The following SLC39A1 variants were observed in gnomAD, a reference collection of about 807,000 sequenced individuals.
The protein encoded by SLC39A1 is solute carrier family 39 member 1.
SLC39A1 carries 17 observed loss-of-function variants against 21.4 expected under a neutral mutation model. The ratio of observed to expected loss-of-function variants is 0.79; its 90% CI spans 0.54 to 1.19. The LOEUF (loss-of-function observed/expected upper bound fraction) is 1.19. Among genes scored for constraint, SLC39A1 ranks in the 50% most tolerant of loss-of-function variants. The probability of loss-of-function intolerance (pLI) is 0.00; values close to 1 mark genes in which losing one functional copy is unlikely to be tolerated. For synonymous variants in SLC39A1, 183 were observed against 185.9 expected (o/e 0.98, Z 0.13); for missense variants, 343 against 399.8 (o/e 0.86, Z 1.21).
chr1:153,967,234 C>A (rs150444860), upstream of SLC39A1, among the ~76,000 whole-genome samples: 283 of 152,384 alleles, frequency 1.9e-3, 2 homozygotes, highest in African/African-American at 6.4e-3. Context: ...TCCATTAACG[C>A]CACACTGCTC....
rs61755879 is a variant in SLC39A1 at position 153,960,311 on chromosome 1, G to C, written c.762C>G (p.Ile254Met). The C allele has an allele frequency of 1.2e-6, 2 of 1,614,042 alleles. No homozygotes were observed. The highest frequency in any genetic ancestry group is 2.2e-5 in the East Asian group (1 of 44,892). ...ILFSCMTPLG[I>M]GLGAALAESA... is the part of the protein sequence containing the mutation. ...ACTCTGCCAGAGCTGCACCCAGCCCGATGCCTAGAGGTGTCATGCATGAGA... is the reference window on the plus strand; with the variant it reads ...ACTCTGCCAGAGCTGCACCCAGCCCCATGCCTAGAGGTGTCATGCATGAGA... Residue 254 changes from isoleucine to methionine, a missense_variant, in exon 4 of 4, where the codon ATC becomes ATG. Physicochemically the swap from Ile to Met is conservative, Grantham distance 10. Coordinates refer to ENST00000356205, the MANE Select transcript of SLC39A1 (RefSeq NM_001271958.2).
At position 153,960,184 on chromosome 1, in the gene SLC39A1, C is replaced by A. The variant is rs1441045541; in HGVS notation, c.889G>T (p.Ala297Ser). ...TFLEILPQEL[A>S]SSEQRILKVI... ...TTGAGGATCCTTTGCTCAGAACTGG[C>A]CAGCTCCTGGGGCAGGATTTCCAGA... The change falls in exon 4 of 4, where the codon GCC becomes TCC. Residue 297 changes from alanine (A) to serine (S), a missense_variant. Ala to Ser is a moderately conservative substitution (Grantham distance 99). Transcript: ENST00000356205. 6 of 1,614,100 alleles carry A rather than the reference C, an allele frequency of 3.7e-6. No homozygotes were observed. Among genetic ancestry groups the A allele is most frequent in the Admixed American group, 1.7e-5 (1 of 60,008 alleles).
rs745441329 is a variant in SLC39A1 at position 153,960,213 on chromosome 1, G to A, written c.860C>T (p.Thr287Ile). Reference sequence around the variant, plus strand: ...CTCCTGGGGCAGGATTTCCAGAAAGGTGATATAGAGAAAGGTGCCAGCTGC... The same window carrying A: ...CTCCTGGGGCAGGATTTCCAGAAAGATGATATAGAGAAAGGTGCCAGCTGC... ...GMAAGTFLYI[T>I]FLEILPQELA... The change falls in exon 4 of 4, where the codon ACC (threonine) becomes ATC (isoleucine). Residue 287 changes from threonine to isoleucine, a missense_variant. By Grantham distance (89) the Thr-to-Ile change is moderately conservative. Transcript: ENST00000356205. 6.2e-7 allele frequency: 1 copy of A among 1,614,114 alleles called. No homozygotes were observed. Among genetic ancestry groups the A allele is most frequent in the Non-Finnish European group, 8.5e-7 (1 of 1,180,056 alleles).
At position 153,962,570 on chromosome 1, in the gene SLC39A1, A is replaced by G. The variant is rs369281695; in HGVS notation, c.146T>C (p.Ile49Thr). 21 of 1,613,562 alleles carry G rather than the reference A, an allele frequency of 1.3e-5. No individual in the cohort carries two copies. The highest frequency in any genetic ancestry group is 1.8e-5 in the Non-Finnish European group (21 of 1,179,972). Residue 49 changes from isoleucine (I) to threonine (T), a missense_variant, in exon 2 of 4, where the codon ATC (isoleucine) becomes ACC (threonine). Ile to Thr is a moderately conservative substitution (Grantham distance 89). Coordinates refer to ENST00000356205, the MANE Select transcript of SLC39A1 (RefSeq NM_001271958.2). ...AGCTCCTGGCCGGCGCAGCACACAGATGGGCACCAGGCTGCAGAGGAGGGT... is the reference window on the plus strand; with the variant it reads ...AGCTCCTGGCCGGCGCAGCACACAGGTGGGCACCAGGCTGCAGAGGAGGGT... ...VLTLLCSLVPICVLRRPGANH... is the reference protein window; with the variant it reads ...VLTLLCSLVPTCVLRRPGANH...
intron 3 of SLC39A1, 141 bp downstream of exon 3, chr1:153,962,079 A>C: frequency 7.9e-7 from 1 of 1,268,314 alleles, no homozygotes; most frequent in African/African-American, 1.5e-5. Context: ...ATGCCCCATA[A>C]CCAAAAATCA....
At chr1:153,967,138 G>C (rs759539660), upstream of SLC39A1, among the ~76,000 whole-genome samples, 6 of 152,350 alleles carry the variant, frequency 3.9e-5, no homozygotes, top group East Asian at 5.8e-4. Context: ...AACGCAAAAG[G>C]CTTTTTAACT....
upstream of SLC39A1, chr1:153,966,737 A>G (rs1017439101): frequency 6.6e-6 from 1 of 152,210 alleles, no homozygotes; most frequent in African/African-American, 2.4e-5. Context: ...TCAAATCTTC[A>G]TAAGGATAAT....
At chr1:153,961,589 C>G (rs2102137986) in intron 3 of SLC39A1, among the ~76,000 whole-genome samples, 1 of 152,336 alleles carries the variant, frequency 6.6e-6, no homozygotes, top group East Asian at 1.9e-4. Context: ...CCACATATCA[C>G]AGGACATTCA....
chr1:153,960,838 G>C, intron 3 of SLC39A1, 84 bp from the exon 4 acceptor site: 1 of 1,333,156 alleles, frequency 7.5e-7, no homozygotes, highest in Non-Finnish European at 1.0e-6. Flanking sequence ...CACAGACCTA[G>C]GGTCTGACAC....
Position 153,959,397 on chromosome 1 carries a change from T to C in SLC39A1, c.*701A>G. 2.5e-6 allele frequency: 1 copy of C among 397,694 alleles called. No homozygotes were observed. Among genetic ancestry groups the C allele is most frequent in the Non-Finnish European group, 4.4e-6 (1 of 225,754 alleles). The allele number at this position is 397,694 out of a possible 1,614,324, so 24.6% of individuals were successfully genotyped here. A position where few individuals can be genotyped will look rare whatever the true frequency, so the allele number is the denominator to read the frequency against. Reference sequence around the variant, plus strand: ...TCCTCCTACCCCAGCCCAGAAAATATTTCTGCCCCACCCCAGGATCCGGGA... The same window carrying C: ...TCCTCCTACCCCAGCCCAGAAAATACTTCTGCCCCACCCCAGGATCCGGGA... On this transcript the variant is annotated 3_prime_UTR_variant, in exon 4 of 4. Coordinates refer to ENST00000356205, the MANE Select transcript of SLC39A1 (RefSeq NM_001271958.2).
intron 1 of SLC39A1, 56 bp from the exon 2 acceptor site, chr1:153,962,803 G>A: frequency 1.5e-6 from 2 of 1,357,220 alleles, no homozygotes; most frequent in African/African-American, 2.9e-5. Context: ...GATGGGGCAA[G>A]GAATGGGGAA....
chr1:153,967,242 C>T (rs1304449048), upstream of SLC39A1: 1 of 152,278 alleles, frequency 6.6e-6, no homozygotes. Flanking sequence ...CGCCACACTG[C>T]TCGGCTTGCG....
At chr1:153,961,180 C>A (rs1205554472) in intron 3 of SLC39A1, among the ~76,000 whole-genome samples, 1 of 152,054 alleles carries the variant, frequency 6.6e-6, no homozygotes, top group Non-Finnish European at 1.5e-5. Flanking sequence ...GGAGTCTGAG[C>A]CAGGAGAATC....
chr1:153,966,223 T>C (rs546263540), upstream of SLC39A1, among the ~76,000 whole-genome samples: 7 of 152,324 alleles, frequency 4.6e-5, no homozygotes, highest in Admixed American at 2.6e-4. Context: ...TGGAGAGATA[T>C]GAGCGGGAAA....
intron 1 of SLC39A1, 176 bp from the exon 2 acceptor site, chr1:153,962,923 T>C: frequency 2.1e-6 from 1 of 477,212 alleles, no homozygotes; most frequent in South Asian, 4.5e-5. Flanking sequence ...TCTCACACTT[T>C]CTTTCCCAAG....
chr1:153,960,462 C>T lies in SLC39A1; in HGVS notation c.611G>A (p.Arg204Gln), dbSNP rs374440609. The T allele has an allele frequency of 1.1e-5, 17 of 1,613,516 alleles. No homozygotes were observed. The highest frequency in any genetic ancestry group is 1.4e-5 in the Non-Finnish European group (17 of 1,179,942). The change falls in exon 4 of 4, where the codon CGG (arginine) becomes CAG (glutamine). Residue 204 changes from arginine to glutamine, a missense_variant. Coordinates refer to ENST00000356205, the MANE Select transcript of SLC39A1 (RefSeq NM_001271958.2). ...CAGGCACAGCTCCATGGCCCGAGCC[C>T]GGTCTCGCTGCAGCCCTACCGCCAG... ...EGLAVGLQRDRARAMELCLAL... is the reference protein window; with the variant it reads ...EGLAVGLQRDQARAMELCLAL...
At chr1:153,964,988 C>CT (rs1402350185), upstream of SLC39A1, 1 of 152,038 alleles carries the variant, frequency 6.6e-6, no homozygotes, top group Non-Finnish European at 1.5e-5. Flanking sequence ...GGAATTATGA[C>CT]TGGGGGGGTC....
rs137989092 is a variant in SLC39A1 at position 153,960,299 on chromosome 1, T to C, written c.774A>G (p.Ala258=). Residue 258 remains alanine, a synonymous_variant, in exon 4 of 4, where the codon GCA becomes GCG. Coordinates refer to ENST00000356205, the MANE Select transcript of SLC39A1 (RefSeq NM_001271958.2). ...CMTPLGIGLG[A]ALAESAGPLH... Reference sequence around the variant, plus strand: ...GAGGTCCTGCCGACTCTGCCAGAGCTGCACCCAGCCCGATGCCTAGAGGTG... The same window carrying C: ...GAGGTCCTGCCGACTCTGCCAGAGCCGCACCCAGCCCGATGCCTAGAGGTG... 82 of 1,613,964 alleles carry C rather than the reference T, an allele frequency of 5.1e-5. No homozygotes were observed. Among genetic ancestry groups the C allele is most frequent in the East Asian group, 3.3e-4 (15 of 44,896 alleles).
At position 153,959,181 on chromosome 1, in the gene SLC39A1, T is replaced by C; in HGVS notation, c.*917A>G. On this transcript the variant is annotated 3_prime_UTR_variant, in exon 4 of 4. Transcript: ENST00000356205. ...AGTTAATAAAATAGATTCTAAAGAA[T>C]ATGTCCCTATGCACAGCCCTCCCTC... is the stretch of plus-strand genomic sequence containing the variant. 1 of 398,980 alleles carries C rather than the reference T, an allele frequency of 2.5e-6. No individual in the cohort carries two copies. The highest frequency in any genetic ancestry group is 4.4e-6 in the Non-Finnish European group (1 of 226,036). The allele number at this position is 398,980 out of a possible 1,614,324, so 24.7% of individuals were successfully genotyped here. A position where few individuals can be genotyped will look rare whatever the true frequency, so the allele number is the denominator to read the frequency against.
Sources: allele counts gnomAD v4.1 joint callset (sites outside exome capture counted in the v4.1 genomes callset), GRCh38; gene constraint gnomAD v4.1.1; transcripts MANE v1.5; gene names NCBI Gene and HGNC (gene_info 2026-07-23, HGNC 2026-07-21).